The following P3H2 variants were observed in gnomAD, a reference collection of about 807,000 sequenced individuals.
P3H2 encodes leprecan-like 1.
Under a neutral mutation model 87.0 loss-of-function variants are expected in P3H2, and 80 were observed. The observed-to-expected ratio is 0.92, with a 90% CI of 0.77 to 1.11. The LOEUF is 1.11. Among genes scored for constraint, P3H2 ranks in the 50% least tolerant of loss-of-function variants. The pLI, the probability that P3H2 is intolerant of heterozygous loss-of-function variation, is 0.00. For missense variants in P3H2, 1,001 were observed against 923.9 expected, an observed-to-expected ratio of 1.08 and a Z score of -1.08; for synonymous variants, 367 against 359.3, an observed-to-expected ratio of 1.02 and a Z score of -0.24.
chr3:189,968,226 T>C (rs565689445), intron 13 of P3H2, among the ~76,000 whole-genome samples: 25 of 152,318 alleles, frequency 1.6e-4, no homozygotes, highest in African/African-American at 6.0e-4. Flanking sequence ...CAAACCATTA[T>C]CTACATTAAG....
chr3:190,099,339 CAT>C (rs1387144552), intron 1 of P3H2, among the ~76,000 whole-genome samples: 3 of 152,176 alleles, frequency 2.0e-5, no homozygotes, highest in Admixed American at 6.5e-5. Context: ...ATTACTACCA[CAT>C]GTTTAGATAC....
At chr3:189,985,884 A>G (rs1723679793) in intron 6 of P3H2, among the ~76,000 whole-genome samples, 1 of 152,160 alleles carries the variant, frequency 6.6e-6, no homozygotes, top group Non-Finnish European at 1.5e-5. Flanking sequence ...AACTTTTTAG[A>G]GACTAAAATG....
At position 190,004,634 on chromosome 3, in the gene P3H2, G is replaced by A. The variant is rs376943092; in HGVS notation, c.481-9192C>T. On this transcript the variant is annotated intron_variant, in intron 1 of 14. Transcript: ENST00000319332. Reference sequence around the variant, plus strand: ...CCTGACCTTGTGATCCGCCCGCCTCGGCCTCCCAAAGTGCTGGGATTACAG... The same window carrying A: ...CCTGACCTTGTGATCCGCCCGCCTCAGCCTCCCAAAGTGCTGGGATTACAG... Among the ~76,000 whole-genome samples the A allele has an allele frequency of 2.4e-3, 368 of 152,104 alleles. 1 individual carries two copies. Among genetic ancestry groups the A allele is most frequent in the South Asian group, 0.015 (70 of 4,826 alleles).
At chr3:190,086,679 A>G (rs995497632) in intron 1 of P3H2, among the ~76,000 whole-genome samples, 1 of 152,214 alleles carries the variant, frequency 6.6e-6, no homozygotes, top group Admixed American at 6.5e-5. Context: ...ACCATACCTC[A>G]GTTAGTGCTA....
chr3:190,044,744 C>T (rs6444412), intron 1 of P3H2, among the ~76,000 whole-genome samples: 52,385 of 152,010 alleles, frequency 0.34, 9,195 homozygotes, highest in African/African-American at 0.42. Flanking sequence ...AAGTGAATTG[C>T]GATGCCTCTA....
rs188615925 is a variant in P3H2 at position 189,964,731 on chromosome 3, C to T, written c.1894-633G>A. On this transcript the variant is annotated intron_variant, in intron 13 of 14. Coordinates refer to ENST00000319332, the MANE Select transcript of P3H2 (RefSeq NM_018192.4). Reference sequence around the variant, plus strand: ...CATCTCTAGTGGTGAGAACACGACACCCCTTGGAGTGGCCTATTCGCCATC... The same window carrying T: ...CATCTCTAGTGGTGAGAACACGACATCCCTTGGAGTGGCCTATTCGCCATC... Among the ~76,000 whole-genome samples, 81 of 152,334 alleles carry T rather than the reference C, an allele frequency of 5.3e-4. 1 individual carries two copies. The highest frequency in any genetic ancestry group is 1.8e-4 in the Non-Finnish European group (12 of 68,034).
At chr3:190,074,370 G>C (rs538825363) in intron 1 of P3H2, among the ~76,000 whole-genome samples, 2 of 152,082 alleles carry the variant, frequency 1.3e-5, no homozygotes, top group Admixed American at 1.3e-4. Flanking sequence ...AATTAGCCGG[G>C]TACAGTGGCA....
intron 1 of P3H2, among the ~76,000 whole-genome samples, chr3:190,024,781 G>C (rs529515561): frequency 2.0e-5 from 3 of 152,012 alleles, no homozygotes; most frequent in Non-Finnish European, 4.4e-5. Flanking sequence ...ATAAAAAGAG[G>C]ATTTCAAGCA....
intron 1 of P3H2, among the ~76,000 whole-genome samples, chr3:190,022,595 T>G (rs566966200): frequency 7.4e-6 from 1 of 134,608 alleles, no homozygotes; most frequent in South Asian, 2.6e-4. Context: ...CACAAATTTC[T>G]CTATTTGCAA....
Position 190,049,055 on chromosome 3 carries a change from C to T in P3H2, c.481-53613G>A, listed in dbSNP as rs551991042. The stretch of plus-strand genomic sequence containing the variant: ...CGTGAGTAAGGGCACGTCCGTGACT[C>T]AGTCCTCAACCCTTGCCAAAGTAGT... On this transcript the variant is annotated intron_variant, in intron 1 of 14. Coordinates refer to ENST00000319332, the MANE Select transcript of P3H2 (RefSeq NM_018192.4). Among the ~76,000 whole-genome samples the T allele has an allele frequency of 2.0e-5, 3 of 152,284 alleles. No individual in the cohort carries two copies. The South Asian group carries it at 6.2e-4, about 32-fold the overall frequency.
At chr3:189,995,149 GA>G in intron 2 of P3H2, 140 bp downstream of exon 2, 1 of 708,650 alleles carries the variant, frequency 1.4e-6, no homozygotes. Context: ...TATATTCTGA[GA>G]ATTCTGAAAG....
At chr3:190,088,245 T>C (rs7610450) in intron 1 of P3H2, among the ~76,000 whole-genome samples, 17,673 of 152,220 alleles carry the variant, frequency 0.12, 2,316 homozygotes, top group African/African-American at 0.32. Context: ...TATTATTTCC[T>C]CAGAATATTA....
Position 189,987,419 on chromosome 3 carries a change from C to T in P3H2, c.1098+108G>A, listed in dbSNP as rs574585513. The stretch of plus-strand genomic sequence containing the variant: ...GCTTGAACCCGGGAGGCGGAGGTTG[C>T]GGTGAGCCAAGATTGTGCCATTGCA... On this transcript the variant is annotated intron_variant, in intron 5 of 14. Coordinates refer to ENST00000319332, the MANE Select transcript of P3H2 (RefSeq NM_018192.4). The T allele has an allele frequency of 7.9e-4, 1,029 of 1,308,874 alleles. 10 individuals are homozygous for T. In the African/African-American group the frequency reaches 0.013, roughly 17 times the overall value. 81.1% of individuals were successfully genotyped at this position (1,308,874 alleles called of 1,614,324 possible).
At chr3:190,026,663 T>C (rs1725095405) in intron 1 of P3H2, among the ~76,000 whole-genome samples, 1 of 152,240 alleles carries the variant, frequency 6.6e-6, no homozygotes, top group Non-Finnish European at 1.5e-5. Context: ...ACTCTGACCA[T>C]GGAGTAAGTA....
intron 13 of P3H2, chr3:189,969,949 AT>A: frequency 1.4e-6 from 1 of 706,316 alleles, no homozygotes; most frequent in Non-Finnish European, 2.6e-6. Flanking sequence ...TCGAAAATAT[AT>A]TTTTCTACCA....
chr3:190,120,763 G>A lies in P3H2; in HGVS notation c.-32C>T, dbSNP rs1333021846. 4 of 1,512,624 alleles carry A rather than the reference G, an allele frequency of 2.6e-6. No individual in the cohort carries two copies. The highest frequency in any genetic ancestry group is 2.6e-6 in the Non-Finnish European group (3 of 1,137,390). The allele number at this position is 1,512,624 out of a possible 1,614,324, so 93.7% of individuals were successfully genotyped here. ...CCTCAGAGAGGCGCGGGACGGTTAC[G>A]CTCGAGAGGGCTTCGGGGCACCTCG... is the stretch of plus-strand genomic sequence containing the variant. On this transcript the variant is annotated 5_prime_UTR_variant, in exon 1 of 15. Transcript: ENST00000319332.
chr3:190,057,015 T>G (rs1460470393), intron 1 of P3H2, among the ~76,000 whole-genome samples: 1 of 152,170 alleles, frequency 6.6e-6, no homozygotes, highest in Non-Finnish European at 1.5e-5. Context: ...CAGAGAGGAC[T>G]GATGAAACGG....
chr3:190,015,031 T>A (rs958024553), intron 1 of P3H2, among the ~76,000 whole-genome samples: 5 of 152,174 alleles, frequency 3.3e-5, no homozygotes, highest in African/African-American at 9.7e-5. Flanking sequence ...TTTTTTAATG[T>A]TTAGAGACAG....
Position 190,080,365 on chromosome 3 carries a change from G to A in P3H2, c.480+39887C>T, listed in dbSNP as rs571984544. ...AACATCTGATCATGTTGGCATAGCC[G>A]GGAGAGAATTAAATTTGAGTGCTTT... On this transcript the variant is annotated intron_variant, in intron 1 of 14. Coordinates refer to ENST00000319332, the MANE Select transcript of P3H2 (RefSeq NM_018192.4). Among the ~76,000 whole-genome samples, 23 of 152,180 alleles carry A rather than the reference G, an allele frequency of 1.5e-4. 1 individual carries two copies. The South Asian group carries it at 2.1e-3, about 14-fold the overall frequency.
Sources: gnomAD v4.1 joint callset for allele counts (sites outside exome capture counted in the v4.1 genomes callset) on GRCh38, gnomAD v4.1.1 for gene constraint, MANE v1.5 for transcripts, NCBI Gene and HGNC (gene_info 2026-07-23, HGNC 2026-07-21) for gene names.